DACH1: variants seen among roughly 807,000 people sequenced by gnomAD.
DACH1 encodes the protein dachshund homolog 1.
DACH1 carries 12 observed loss-of-function variants against 54.2 expected under a neutral mutation model. The ratio of observed to expected loss-of-function variants is 0.22; its 90% confidence interval spans 0.14 to 0.36. The LOEUF is 0.36. Ranked by LOEUF, DACH1 falls within the 10% of genes least tolerant of loss-of-function variation. The probability of loss-of-function intolerance (pLI) is 1.00; values close to 1 mark genes in which losing one functional copy is unlikely to be tolerated. For synonymous variants in DACH1, 386 were observed against 366.2 expected (o/e 1.05, Z -0.62); for missense variants, 805 against 929.8 (o/e 0.87, Z 1.75).
Position 71,745,857 on chromosome 13 carries a change from A to G in DACH1, c.849-63947T>C, listed in dbSNP as rs1051600012. ...ATGTTCCACCACTACACCTCAAAACATTAGAGTTATCTATACTTACTAAGA... is the reference window on the plus strand; with the variant it reads ...ATGTTCCACCACTACACCTCAAAACGTTAGAGTTATCTATACTTACTAAGA... On this transcript the variant is annotated intron_variant, in intron 1 of 10. Coordinates refer to ENST00000613252, the MANE Select transcript of DACH1 (RefSeq NM_080759.6). 3.3e-5 allele frequency among the ~76,000 whole-genome samples: 5 copies of G among 152,208 alleles called. No homozygotes were observed. In the South Asian group the frequency reaches 6.2e-4, roughly 19 times the overall value.
chr13:71,778,460 T>C (rs1886162720), intron 1 of DACH1, among the ~76,000 whole-genome samples: 1 of 152,146 alleles, frequency 6.6e-6, no homozygotes, highest in East Asian at 1.9e-4. Flanking sequence ...GAGCACTCAA[T>C]AGTTTTAAAA....
At position 71,819,554 on chromosome 13, in the gene DACH1, TG is replaced by T. The variant is rs1266773278; in HGVS notation, c.848+46367del. 6.6e-5 allele frequency among the ~76,000 whole-genome samples: 10 copies of T among 152,180 alleles called. No individual in the cohort carries two copies. In the East Asian group the frequency reaches 1.9e-3, roughly 29 times the overall value. ...ATGGTATCACATGGTATTTTTCTAGTGGGTGTAAGAAAGGATTAGAGGTCAT... is the reference window on the plus strand; with the variant it reads ...ATGGTATCACATGGTATTTTTCTAGTGGTGTAAGAAAGGATTAGAGGTCAT... On this transcript the variant is annotated intron_variant, in intron 1 of 10. Transcript: ENST00000613252.
At position 71,438,409 on chromosome 13, in the gene DACH1, TAA is replaced by T. The variant is rs1195622147; in HGVS notation, c.*2244_*2245del. 1 of 152,366 alleles carries T rather than the reference TAA, an allele frequency of 6.6e-6. No homozygotes were observed. The highest frequency in any genetic ancestry group is 1.5e-5 in the Non-Finnish European group (1 of 67,852). The allele number at this position is 152,366 out of a possible 1,614,324, so 9.4% of individuals were successfully genotyped here. A position where few individuals can be genotyped will look rare whatever the true frequency, so the allele number is the denominator to read the frequency against. On this transcript the variant is annotated 3_prime_UTR_variant, in exon 11 of 11. Coordinates refer to ENST00000613252, the MANE Select transcript of DACH1 (RefSeq NM_080759.6). The stretch of plus-strand genomic sequence containing the variant: ...TGTATAACTAAAACAGGGAAAAAAT[TAA>T]GTTACAGACTTACAATAACATTTCA...
chr13:71,512,014 G>T (rs1031005822), intron 6 of DACH1, among the ~76,000 whole-genome samples: 5 of 151,930 alleles, frequency 3.3e-5, no homozygotes, highest in African/African-American at 1.2e-4. Context: ...TTCTATACCA[G>T]AAAGTGTGTC....
intron 3 of DACH1, among the ~76,000 whole-genome samples, chr13:71,629,783 T>C (rs1422252018): frequency 6.6e-6 from 1 of 152,162 alleles, no homozygotes; most frequent in African/African-American, 2.4e-5. Context: ...ATTTTGAGCA[T>C]GGTCACTGTA....
chr13:71,494,854 T>C (rs1441531864), intron 6 of DACH1, among the ~76,000 whole-genome samples: 1 of 152,116 alleles, frequency 6.6e-6, no homozygotes, highest in East Asian at 1.9e-4. Flanking sequence ...AATAACTGAC[T>C]ATCAGTAAGA....
rs1257395003 is a variant in DACH1, at chr13:71,835,423, T to C, written c.848+30499A>G. Among the ~76,000 whole-genome samples the C allele has an allele frequency of 3.3e-5, 5 of 152,074 alleles. No homozygotes were observed. The East Asian group carries it at 9.6e-4, about 29-fold the overall frequency. On this transcript the variant is annotated intron_variant, in intron 1 of 10. Transcript: ENST00000613252. ...AGAAACTCTGTAATGCTTATTAAAA[T>C]GAAAATAAAACAACAAGGGTAAGAA...
chr13:71,503,634 A>T (rs968704890), intron 6 of DACH1, among the ~76,000 whole-genome samples: 1 of 152,236 alleles, frequency 6.6e-6, no homozygotes, highest in Non-Finnish European at 1.5e-5. Context: ...GAGACTAAGT[A>T]AATGCATATA....
intron 3 of DACH1, among the ~76,000 whole-genome samples, chr13:71,580,366 G>A (rs1352394743): frequency 6.6e-6 from 1 of 152,072 alleles, no homozygotes; most frequent in East Asian, 1.9e-4. Context: ...TAAGGATATT[G>A]TAATTTCCCT....
At chr13:71,848,170 G>A (rs1053392015) in intron 1 of DACH1, among the ~76,000 whole-genome samples, 1 of 151,750 alleles carries the variant, frequency 6.6e-6, no homozygotes, top group Non-Finnish European at 1.5e-5. Flanking sequence ...TTTTCATAGA[G>A]TTGCATGACA....
At position 71,485,540 on chromosome 13, in the gene DACH1, C is replaced by A. The variant is rs373123709; in HGVS notation, c.1722+3457G>T. 4.3e-3 allele frequency among the ~76,000 whole-genome samples: 347 copies of A among 80,126 alleles called. 2 individuals carry two copies. The highest frequency in any genetic ancestry group is 0.016 in the African/African-American group (334 of 20,702). The allele number at this position is 80,126 out of a possible 152,430, so 52.6% of individuals were successfully genotyped here. Reference sequence around the variant, plus strand: ...ATTTTTTTTACAGGTCTTTTTTTTTCTTTTTACTTCATTCATTATAACTTT... The same window carrying A: ...ATTTTTTTTACAGGTCTTTTTTTTTATTTTTACTTCATTCATTATAACTTT... On this transcript the variant is annotated intron_variant, in intron 7 of 10. Transcript: ENST00000613252.
At chr13:71,597,261 A>C (rs944564020) in intron 3 of DACH1, among the ~76,000 whole-genome samples, 7 of 152,240 alleles carry the variant, frequency 4.6e-5, no homozygotes, top group Non-Finnish European at 1.0e-4. Flanking sequence ...TACAACAAGA[A>C]AATGTTAAAC....
intron 1 of DACH1, among the ~76,000 whole-genome samples, chr13:71,742,284 A>T (rs1884422551): frequency 2.6e-5 from 4 of 152,220 alleles, no homozygotes; most frequent in Admixed American, 2.6e-4. Flanking sequence ...AGACTAATAC[A>T]TAGCCCCACA....
intron 3 of DACH1, among the ~76,000 whole-genome samples, chr13:71,596,287 A>T (rs1874091579): frequency 6.6e-6 from 1 of 152,132 alleles, no homozygotes; most frequent in South Asian, 2.1e-4. Flanking sequence ...CATTTAACTC[A>T]TTTACTGAGT....
intron 1 of DACH1, among the ~76,000 whole-genome samples, chr13:71,798,319 CATACATATATATATATATATATAT>C (rs1231855878): frequency 3.5e-5 from 3 of 85,464 alleles, no homozygotes; most frequent in Non-Finnish European, 6.8e-5. Flanking sequence ...GAACTTGTTA[CATACATATATATATATATATATAT>C]ATATATATAT....
chr13:71,573,537 G>A (rs902334608), intron 3 of DACH1: 1 of 654,982 alleles, frequency 1.5e-6, no homozygotes. Context: ...TGGGGAAGAG[G>A]GCAGTGTTTC....
chr13:71,734,081 C>T (rs1883874771), intron 1 of DACH1, among the ~76,000 whole-genome samples: 1 of 151,264 alleles, frequency 6.6e-6, no homozygotes, highest in Admixed American at 6.6e-5. Flanking sequence ...TAAAAACACA[C>T]TTGAATATAT....
chr13:71,781,667 CAT>C (rs1886389779), intron 1 of DACH1, among the ~76,000 whole-genome samples: 1 of 152,122 alleles, frequency 6.6e-6, no homozygotes, highest in African/African-American at 2.4e-5. Flanking sequence ...CGTGAGCCAC[CAT>C]GCCTGGCCAA....
intron 1 of DACH1, among the ~76,000 whole-genome samples, chr13:71,771,439 C>T (rs573356898): frequency 1.0e-3 from 158 of 151,588 alleles, no homozygotes; most frequent in African/African-American, 3.6e-3. Context: ...TAAAAAGTCA[C>T]TTAGTATTTA....
Sources: allele counts gnomAD v4.1 joint callset (sites outside exome capture counted in the v4.1 genomes callset), GRCh38; gene constraint gnomAD v4.1.1; transcripts MANE v1.5; gene names NCBI Gene and HGNC (gene_info 2026-07-23, HGNC 2026-07-21).